The following CNTNAP2 variants were observed in gnomAD, a reference collection of about 807,000 sequenced individuals.
CNTNAP2 encodes the protein contactin-associated protein-like 2.
In CNTNAP2, 98 loss-of-function variants were observed where a neutral mutation model predicts 155.2. The observed-to-expected ratio is 0.63, with a 90% CI of 0.54 to 0.75. The LOEUF is 0.75. Among genes scored for constraint, CNTNAP2 ranks in the 30% least tolerant of loss-of-function variants. The pLI is 0.00. For synonymous variants in CNTNAP2, 651 were observed against 631.2 expected, an observed-to-expected ratio of 1.03 and a Z score of -0.47; for missense variants, 1,727 against 1,688.1, an observed-to-expected ratio of 1.02 and a Z score of -0.40.
intron 21 of CNTNAP2, among the ~76,000 whole-genome samples, chr7:148,342,119 G>C (rs1798247549): frequency 6.6e-6 from 1 of 152,184 alleles, no homozygotes; most frequent in Non-Finnish European, 1.5e-5. Context: ...CCCATGGAGA[G>C]GCCTTCCCAG....
chr7:146,544,563 T>C (rs1798001041), intron 1 of CNTNAP2, among the ~76,000 whole-genome samples: 1 of 151,984 alleles, frequency 6.6e-6, no homozygotes, highest in Admixed American at 6.6e-5. Context: ...TAGTTGTATT[T>C]TCCCTTACTT....
rs801935 is a variant in CNTNAP2, at chr7:146,533,500, G to A, written c.98-240771G>A. Among the ~76,000 whole-genome samples, 65,558 of 151,960 alleles carry A rather than the reference G, an allele frequency of 0.43. 15,818 individuals carry two copies. Among genetic ancestry groups the A allele is most frequent in the African/African-American group, 0.66 (27,369 of 41,434 alleles). On this transcript the variant is annotated intron_variant, in intron 1 of 23. Coordinates refer to ENST00000361727, the MANE Select transcript of CNTNAP2 (RefSeq NM_014141.6). ...TTGTGTATTGCTGAAGGGAGAACTA[G>A]AGTCTTAAAGAAAAAGTGATTGTTC...
At chr7:147,829,538 C>T (rs1252280488) in intron 13 of CNTNAP2, among the ~76,000 whole-genome samples, 1 of 152,124 alleles carries the variant, frequency 6.6e-6, no homozygotes, top group Non-Finnish European at 1.5e-5. Context: ...CTTACAAAAA[C>T]CCTGTGAGAC....
chr7:146,463,836 T>TA (rs1356189454), intron 1 of CNTNAP2, among the ~76,000 whole-genome samples: 2 of 152,198 alleles, frequency 1.3e-5, no homozygotes, highest in Admixed American at 1.3e-4. Context: ...GGCAGGTTTG[T>TA]AAAAAACAAT....
chr7:147,544,390 A>T (rs568666925), intron 11 of CNTNAP2, among the ~76,000 whole-genome samples: 80 of 152,298 alleles, frequency 5.3e-4, no homozygotes, highest in African/African-American at 1.6e-3. Context: ...TGAAGCTCTC[A>T]CTTCACATCC....
chr7:148,044,137 C>T (rs1304213657), intron 15 of CNTNAP2, among the ~76,000 whole-genome samples: 2 of 150,528 alleles, frequency 1.3e-5, no homozygotes, highest in East Asian at 1.9e-4. Context: ...GCTTTAGACC[C>T]GTGTGGATCC....
At chr7:148,247,623 CTCTATTTATTTATTTATT>C (rs1224647414) in intron 20 of CNTNAP2, among the ~76,000 whole-genome samples, 1 of 102,456 alleles carries the variant, frequency 9.8e-6, no homozygotes, top group African/African-American at 3.6e-5. Flanking sequence ...CTCTCTCTCT[CTCTATTTATTTATTTATT>C]TATTTATTTA....
At chr7:147,802,179 G>C (rs1241041268) in intron 13 of CNTNAP2, among the ~76,000 whole-genome samples, 1 of 149,344 alleles carries the variant, frequency 6.7e-6, no homozygotes, top group Non-Finnish European at 1.5e-5. Flanking sequence ...TCCCAGACGG[G>C]GCGGCGGGGC....
intron 10 of CNTNAP2, among the ~76,000 whole-genome samples, chr7:147,482,178 C>G (rs778196052): frequency 4.0e-5 from 6 of 151,652 alleles, no homozygotes; most frequent in Non-Finnish European, 7.4e-5. Flanking sequence ...CATTGCTAAG[C>G]AATGTAATAA....
intron 12 of CNTNAP2, among the ~76,000 whole-genome samples, chr7:147,612,426 G>T (rs1271825041): frequency 2.1e-5 from 3 of 143,286 alleles, no homozygotes; most frequent in Non-Finnish European, 1.5e-5. Flanking sequence ...TTTCTGAGAC[G>T]GAGTCTTTCT....
chr7:148,184,899 G>A (rs1156614617), intron 18 of CNTNAP2, among the ~76,000 whole-genome samples: 1 of 152,210 alleles, frequency 6.6e-6, no homozygotes, highest in Non-Finnish European at 1.5e-5. Flanking sequence ...GGATGTGAAA[G>A]TGCTTTGAAA....
At chr7:147,386,520 T>C (rs1302892291) in intron 9 of CNTNAP2, among the ~76,000 whole-genome samples, 1 of 152,162 alleles carries the variant, frequency 6.6e-6, no homozygotes, top group Non-Finnish European at 1.5e-5. Context: ...CACAAATCTC[T>C]AGGGCAGGGG....
chr7:146,611,900 C>A (rs577011240), intron 1 of CNTNAP2, among the ~76,000 whole-genome samples: 1 of 152,146 alleles, frequency 6.6e-6, no homozygotes, highest in Non-Finnish European at 1.5e-5. Flanking sequence ...TTTGCAAAAT[C>A]ACATGCAGAC....
At chr7:148,065,831 G>T (rs1803247372) in intron 15 of CNTNAP2, among the ~76,000 whole-genome samples, 1 of 152,128 alleles carries the variant, frequency 6.6e-6, no homozygotes, top group Admixed American at 6.5e-5. Flanking sequence ...CATGCTAGTT[G>T]TTGCCTGAAT....
chr7:147,586,543 A>AAGGAAGGAAGGAAGGAAGGAAGGAAGGC (rs1800627170), intron 12 of CNTNAP2, among the ~76,000 whole-genome samples: 1 of 48,880 alleles, frequency 2.0e-5, no homozygotes, highest in Non-Finnish European at 4.1e-5. Context: ...GGAAGGAAGG[A>AAGGAAGGAAGGAAGGAAGGAAGGAAGGC]AGGGAGGGAG....
Position 146,365,148 on chromosome 7 carries a change from A to C in CNTNAP2, c.97+248175A>C, listed in dbSNP as rs143339537. Among the ~76,000 whole-genome samples the C allele has an allele frequency of 1.4e-3, 220 of 152,242 alleles. 1 individual carries two copies. Among genetic ancestry groups the C allele is most frequent in the African/African-American group, 5.1e-3 (213 of 41,540 alleles). ...TTCTTTCTTTTATCCAACTGCCTCC[A>C]ATGCACCACTTCATATGCATGTCTT... On this transcript the variant is annotated intron_variant, in intron 1 of 23. Transcript: ENST00000361727.
At chr7:148,409,302 T>C in intron 22 of CNTNAP2, 89 bp from the exon 23 acceptor site, 3 of 1,019,360 alleles carry the variant, frequency 2.9e-6, no homozygotes, top group Non-Finnish European at 4.6e-6. Context: ...ACAGGAAGTG[T>C]TGAAGAGTTG....
At chr7:147,932,940 G>A (rs1800532454) in intron 14 of CNTNAP2, among the ~76,000 whole-genome samples, 1 of 152,012 alleles carries the variant, frequency 6.6e-6, no homozygotes, top group Admixed American at 6.6e-5. Context: ...ATATACAACT[G>A]GGCAATAGAT....
intron 3 of CNTNAP2, among the ~76,000 whole-genome samples, chr7:146,885,852 A>G (rs1200703809): frequency 6.6e-6 from 1 of 151,926 alleles, no homozygotes; most frequent in Non-Finnish European, 1.5e-5. Context: ...CATTTCAATA[A>G]TATGTGAGTG....
Sources: gnomAD v4.1 joint callset for allele counts (sites outside exome capture counted in the v4.1 genomes callset) on GRCh38, gnomAD v4.1.1 for gene constraint, MANE v1.5 for transcripts, NCBI Gene and HGNC (gene_info 2026-07-23, HGNC 2026-07-21) for gene names.